PACS2: variants seen among roughly 807,000 people sequenced by gnomAD.
PACS2 encodes PACS1-like protein.
PACS2 carries 36 observed loss-of-function variants against 113.0 expected under a neutral mutation model. The observed-to-expected ratio is 0.32, with a 90% CI of 0.24 to 0.42. The LOEUF is 0.42. Among genes scored for constraint, PACS2 ranks in the 10% least tolerant of loss-of-function variants. PACS2 has a pLI of 1.00. For missense variants in PACS2, 1,015 were observed against 1,239.5 expected, an observed-to-expected ratio of 0.82 and a Z score of 2.72; for synonymous variants, 589 against 536.1, an observed-to-expected ratio of 1.10 and a Z score of -1.36.
intron 7 of PACS2, 139 bp from the exon 8 acceptor site, chr14:105,369,702 A>G: frequency 1.5e-6 from 1 of 673,290 alleles, no homozygotes; most frequent in Non-Finnish European, 2.6e-6. Flanking sequence ...CCACGAGCGA[A>G]TCCATCAGCG....
intron 1 of PACS2, among the ~76,000 whole-genome samples, chr14:105,338,898 C>T (rs1247837798): frequency 6.6e-6 from 1 of 152,228 alleles, no homozygotes; most frequent in Non-Finnish European, 1.5e-5. Context: ...TTCCTACTCT[C>T]TCCCCTCCTT....
rs375387252 is a variant in PACS2, at chr14:105,352,422, C to G, written c.252C>G (p.Pro84=). 1.2e-6 allele frequency: 2 copies of G among 1,613,010 alleles called. No homozygotes were observed. The highest frequency in any genetic ancestry group is 8.5e-7 in the Non-Finnish European group (1 of 1,179,146). Residue 84 remains proline (P), a synonymous_variant, in exon 3 of 25, where the codon CCC becomes CCG. Transcript: ENST00000447393. ...GGTCCCATGAGATTGTGCTGCCCCC[C>G]AGTGGACAAGTGGAGACAGACCTGG... ...ILRSHEIVLP[P]SGQVETDLAL... is the part of the protein sequence containing the mutation.
intron 2 of PACS2, among the ~76,000 whole-genome samples, chr14:105,351,471 C>T (rs777850313): frequency 5.9e-5 from 9 of 152,246 alleles, no homozygotes; most frequent in Admixed American, 2.0e-4. Context: ...ACAGCATCTC[C>T]GTATTTTAAG....
intron 17 of PACS2, 46 bp downstream of exon 17, chr14:105,384,509 G>T: frequency 7.7e-7 from 1 of 1,301,008 alleles, no homozygotes; most frequent in South Asian, 1.2e-5. Flanking sequence ...CGGGAGGAAG[G>T]GGCCCCGGTT....
At chr14:105,312,251 A>G (rs1406426893), upstream of PACS2, among the ~76,000 whole-genome samples, 5 of 152,234 alleles carry the variant, frequency 3.3e-5, no homozygotes, top group East Asian at 9.6e-4. Context: ...ATCCTGTCCC[A>G]TGACTGGGGG....
At chr14:105,393,404 G>A in intron 24 of PACS2, 69 bp downstream of exon 24, 3 of 1,051,830 alleles carry the variant, frequency 2.9e-6, no homozygotes, top group Non-Finnish European at 4.3e-6. Context: ...CTGCTTTGGA[G>A]CCCAGCCTAG....
chr14:105,351,615 A>C (rs1488608554), intron 2 of PACS2, among the ~76,000 whole-genome samples: 2 of 152,182 alleles, frequency 1.3e-5, no homozygotes, highest in East Asian at 3.8e-4. Context: ...AGGAGGGTGG[A>C]TTGCTTGAAC....
At chr14:105,360,931 A>G (rs112831808) in intron 4 of PACS2, among the ~76,000 whole-genome samples, 20 of 152,100 alleles carry the variant, frequency 1.3e-4, no homozygotes, top group African/African-American at 4.6e-4. Context: ...ATCTTAAGAA[A>G]CCACTTTCGT....
chr14:105,374,065 G>GA, intron 8 of PACS2, among the ~76,000 whole-genome samples: 1 of 150,150 alleles, frequency 6.7e-6, no homozygotes, highest in African/African-American at 2.5e-5. Context: ...TGAAGTGGAA[G>GA]AAACACTTGA....
rs1755033481 is a variant in PACS2 at position 105,354,851 on chromosome 14, A to G, written c.298-201A>G. 6.6e-6 allele frequency among the ~76,000 whole-genome samples: 1 copy of G among 152,010 alleles called. No homozygotes were observed. Among genetic ancestry groups the G allele is most frequent in the Admixed American group, 6.6e-5 (1 of 15,260 alleles). On this transcript the variant is annotated intron_variant, in intron 3 of 24. Coordinates refer to ENST00000447393, the MANE Select transcript of PACS2 (RefSeq NM_001100913.3). The surrounding 1 kb of genome is among the most constrained non-coding windows in gnomAD (Gnocchi z 4.2). ...AGCTCTGGCGACTGGCTCACTCTTG[A>G]TTGTGTTGGGTAAAGGATGGGCTCT...
rs147057311 is a variant in PACS2 at position 105,395,088 on chromosome 14, C to T, written c.*416C>T. 2.3e-3 allele frequency: 442 copies of T among 191,010 alleles called. No individual in the cohort carries two copies. Among genetic ancestry groups the T allele is most frequent in the Non-Finnish European group, 3.3e-3 (297 of 91,060 alleles). 11.8% of individuals were successfully genotyped at this position (191,010 alleles called of 1,614,324 possible). A position where few individuals can be genotyped will look rare whatever the true frequency, so the allele number is the denominator to read the frequency against. The stretch of plus-strand genomic sequence containing the variant: ...CGAGGGCCATGGGGCCGCTCAGTCC[C>T]GTTGGGGTTGTCCTGAGTTGAGCCT... On this transcript the variant is annotated 3_prime_UTR_variant, in exon 25 of 25. Transcript: ENST00000447393.
intron 10 of PACS2, 42 bp downstream of exon 10, chr14:105,379,871 TG>T: frequency 1.9e-6 from 3 of 1,567,454 alleles, no homozygotes; most frequent in Non-Finnish European, 2.6e-6. Context: ...GACCGTGGTC[TG>T]ACTGGGCTGT....
At position 105,315,061 on chromosome 14, in the gene PACS2, G is replaced by A; in HGVS notation, c.119+24G>A. The A allele has an allele frequency of 1.7e-6, 2 of 1,144,056 alleles. No individual in the cohort carries two copies. The highest frequency in any genetic ancestry group is 2.2e-6 in the Non-Finnish European group (2 of 924,156). The allele number at this position is 1,144,056 out of a possible 1,614,324, so 70.9% of individuals were successfully genotyped here. A position where few individuals can be genotyped will look rare whatever the true frequency, so the allele number is the denominator to read the frequency against. ...AGGTACGCGCCGCCCGCCGCGCTTT[G>A]TTCCCGCCGGGCACCTGCTGGGGGT... On this transcript the variant is annotated intron_variant, in intron 1 of 24. Coordinates refer to ENST00000447393, the MANE Select transcript of PACS2 (RefSeq NM_001100913.3). This position sits in a 1 kb window ranked among gnomAD's most constrained non-coding sequence, Gnocchi z 4.4.
At chr14:105,347,534 T>C (rs1469766977) in intron 1 of PACS2, among the ~76,000 whole-genome samples, 1 of 152,092 alleles carries the variant, frequency 6.6e-6, no homozygotes, top group Non-Finnish European at 1.5e-5. Flanking sequence ...GTGCCACAAG[T>C]CCAGACTTCC....
intron 16 of PACS2, 21 bp from the exon 17 acceptor site, chr14:105,384,332 A>G (rs2081098312): frequency 2.7e-6 from 4 of 1,473,426 alleles, no homozygotes; most frequent in Non-Finnish European, 3.8e-6. Flanking sequence ...TGGTGACACC[A>G]GCCCCACCCC....
At chr14:105,347,630 A>T (rs2059990841) in intron 1 of PACS2, among the ~76,000 whole-genome samples, 1 of 152,206 alleles carries the variant, frequency 6.6e-6, no homozygotes, top group African/African-American at 2.4e-5. Context: ...AGACAGTGCC[A>T]TCCCTATCTG....
intron 1 of PACS2, among the ~76,000 whole-genome samples, chr14:105,334,736 C>T (rs896554186): frequency 4.6e-5 from 7 of 152,256 alleles, no homozygotes; most frequent in African/African-American, 1.7e-4. Flanking sequence ...AGCCCAGGCT[C>T]GTGGTCATGC....
In PACS2 at chr14:105,381,965, G is replaced by A. The variant is rs1555412150; in HGVS notation, c.1320G>A (p.Glu440=). Residue 440 remains glutamate (E), a synonymous_variant, in exon 13 of 25, where the codon GAG becomes GAA. Transcript: ENST00000447393. ...GGGGCCGGAGCACATCCTTGAAGGA[G>A]CGGCAGGCAGCACGGCCCCAGAATG... ...GRRGRSTSLK[E]RQAARPQNER... 1 of 1,550,420 alleles carries A rather than the reference G, an allele frequency of 6.4e-7. No homozygotes were observed. The highest frequency in any genetic ancestry group is 8.7e-7 in the Non-Finnish European group (1 of 1,147,110).
rs193119266 is a variant in PACS2, at chr14:105,355,849, C to G, written c.423+672C>G. Among the ~76,000 whole-genome samples the G allele has an allele frequency of 7.9e-5, 12 of 152,288 alleles. No individual in the cohort carries two copies. The highest frequency in any genetic ancestry group is 2.2e-4 in the African/African-American group (9 of 41,560). ...TGAGGCCTCGGACTTTCTCATGGAC[C>G]CTTTCGGGGCTGCAAGATTGGCTCT... On this transcript the variant is annotated intron_variant, in intron 4 of 24. Transcript: ENST00000447393. This position sits in a 1 kb window ranked among gnomAD's most constrained non-coding sequence, Gnocchi z 4.1.
Sources: allele counts gnomAD v4.1 joint callset (sites outside exome capture counted in the v4.1 genomes callset), GRCh38; gene constraint gnomAD v4.1.1; non-coding constraint Gnocchi (gnomAD v3.1); transcripts MANE v1.5; gene names NCBI Gene and HGNC (gene_info 2026-07-23, HGNC 2026-07-21).